Variants in PRPF18 observed in about 807,000 individuals in gnomAD.
PRPF18 encodes pre-mRNA processing factor 18.
In PRPF18, 38 loss-of-function variants were observed where a neutral mutation model predicts 46.5. The ratio of observed to expected loss-of-function variants is 0.82; its 90% CI spans 0.63 to 1.07. The LOEUF (loss-of-function observed/expected upper bound fraction) is 1.07, where lower values mean the gene tolerates loss of function less well. PRPF18 is among the 50% of genes least tolerant of loss of function. The pLI is 0.00. For missense variants in PRPF18, 263 were observed against 410.0 expected, an observed-to-expected ratio of 0.64 and a Z score of 3.10; for synonymous variants, 152 against 146.7, an observed-to-expected ratio of 1.04 and a Z score of -0.26.
the PRPF18 span, chr10:13,637,917 G>C: frequency 5.9e-5 from 9 of 152,318 alleles, no homozygotes; most frequent in African/African-American, 2.2e-4. Flanking sequence ...TGATGTGCAA[G>C]TTCATGTGCC....
At chr10:13,603,964 T>G (rs1037791101) in intron 3 of PRPF18, among the ~76,000 whole-genome samples, 2 of 152,228 alleles carry the variant, frequency 1.3e-5, no homozygotes, top group African/African-American at 4.8e-5. Flanking sequence ...AATCAGAATA[T>G]TCTCTGTAGT....
intron 1 of PRPF18, among the ~76,000 whole-genome samples, chr10:13,590,452 A>AAATAT (rs1554806370): frequency 3.6e-5 from 5 of 140,506 alleles, no homozygotes; most frequent in Non-Finnish European, 6.1e-5. Flanking sequence ...AAAAAAAAAA[A>AAATAT]ATATATATAT....
At chr10:13,597,039 A>G (rs1400186312) in intron 1 of PRPF18, among the ~76,000 whole-genome samples, 2 of 152,222 alleles carry the variant, frequency 1.3e-5, no homozygotes, top group African/African-American at 4.8e-5. Context: ...GGGATATCAA[A>G]TGTAGGCTAT....
At chr10:13,615,951 G>T (rs192020044) in intron 8 of PRPF18, among the ~76,000 whole-genome samples, 1 of 152,322 alleles carries the variant, frequency 6.6e-6, no homozygotes, top group East Asian at 1.9e-4. Context: ...ACAGTGCTGT[G>T]TAGGGAGTGG....
intron 3 of PRPF18, among the ~76,000 whole-genome samples, chr10:13,605,402 T>C (rs897134355): frequency 1.1e-4 from 16 of 151,824 alleles, no homozygotes; most frequent in African/African-American, 3.9e-4. Context: ...GCCAACATGG[T>C]GAAACCCCAT....
chr10:13,632,676 C>T (rs532259013), downstream of PRPF18: 6 of 152,212 alleles, frequency 3.9e-5, no homozygotes, highest in Admixed American at 2.6e-4. Flanking sequence ...TGTGACCATT[C>T]GAGGGAAGCA....
intron 8 of PRPF18, 48 bp downstream of exon 8, chr10:13,614,134 T>G: frequency 7.4e-7 from 1 of 1,351,856 alleles, no homozygotes; most frequent in Middle Eastern, 2.1e-4. Flanking sequence ...ATATCTAGGT[T>G]ATGTACGTAA....
At position 13,599,521 on chromosome 10, in the gene PRPF18, T is replaced by C. The variant is rs148282081; in HGVS notation, c.145-723T>C. 2.3e-3 allele frequency among the ~76,000 whole-genome samples: 354 copies of C among 152,326 alleles called. 1 individual carries two copies. Among genetic ancestry groups the C allele is most frequent in the African/African-American group, 8.3e-3 (344 of 41,572 alleles). ...ACAAAGGGGCTTGTAAATTGCTGAATTCAGTTTTCTTAAACTGAGACTTGA... is the reference window on the plus strand; with the variant it reads ...ACAAAGGGGCTTGTAAATTGCTGAACTCAGTTTTCTTAAACTGAGACTTGA... On this transcript the variant is annotated intron_variant, in intron 2 of 9. Coordinates refer to ENST00000378572, the MANE Select transcript of PRPF18 (RefSeq NM_003675.4).
At chr10:13,611,769 G>T (rs1182582275) in intron 6 of PRPF18, 86 bp downstream of exon 6, 1 of 1,197,956 alleles carries the variant, frequency 8.3e-7, no homozygotes, top group African/African-American at 1.5e-5. Flanking sequence ...GTTAAAGGCT[G>T]GAACGGGAAA....
chr10:13,645,826 A>G, the PRPF18 span: 2 of 152,672 alleles, frequency 1.3e-5, no homozygotes, highest in Admixed American at 6.5e-5. Context: ...CGACAGTTAA[A>G]CACTGAATGG....
the PRPF18 span, chr10:13,647,731 GCT>G: frequency 3.7e-5 from 4 of 106,670 alleles, no homozygotes; most frequent in African/African-American, 1.5e-4. Context: ...AAAATAAAAG[GCT>G]TTTTTTTTTT....
At chr10:13,635,545 C>T (rs752906858), downstream of PRPF18, among the ~76,000 whole-genome samples, 2 of 152,176 alleles carry the variant, frequency 1.3e-5, no homozygotes, top group Non-Finnish European at 2.9e-5. Context: ...TCTCTACAAC[C>T]TCACCAGCAT....
At chr10:13,636,799 C>T in the PRPF18 span, among the ~76,000 whole-genome samples, 1 of 152,154 alleles carries the variant, frequency 6.6e-6, no homozygotes, top group African/African-American at 2.4e-5. Context: ...TAAAAAATAT[C>T]GGCGTGTAAT....
At chr10:13,600,485 CT>C in intron 3 of PRPF18, 137 bp downstream of exon 3, 1 of 589,914 alleles carries the variant, frequency 1.7e-6, no homozygotes, top group Non-Finnish European at 2.7e-6. Context: ...AGCTAGTTTT[CT>C]TCATGAAGTT....
At position 13,611,812 on chromosome 10, in the gene PRPF18, G is replaced by C; in HGVS notation, c.579+129G>C. On this transcript the variant is annotated intron_variant, in intron 6 of 9. Coordinates refer to ENST00000378572, the MANE Select transcript of PRPF18 (RefSeq NM_003675.4). ...TACACATTTCTCACACATACATGAT[G>C]TTTATGATATCACTATGCACTTGAT... 4.4e-6 allele frequency: 3 copies of C among 682,688 alleles called. No homozygotes were observed. The South Asian group carries it at 5.7e-5, about 13-fold the overall frequency. The allele number at this position is 682,688 out of a possible 1,614,324, so 42.3% of individuals were successfully genotyped here.
In PRPF18 at chr10:13,614,047, G is replaced by A. The variant is rs775349638; in HGVS notation, c.753G>A (p.Thr251=). The A allele has an allele frequency of 2.5e-5, 39 of 1,587,624 alleles. No homozygotes were observed. The highest frequency in any genetic ancestry group is 1.0e-4 in the South Asian group (9 of 85,924). The change falls in exon 8 of 10, where the codon ACG becomes ACA. Residue 251 remains threonine (T), a synonymous_variant. Coordinates refer to ENST00000378572, the MANE Select transcript of PRPF18 (RefSeq NM_003675.4). ...CTGCTGATATTAAAGAATCAATAACGGATATTATTAAATTCATGTTGCAGA... is the reference window on the plus strand; with the variant it reads ...CTGCTGATATTAAAGAATCAATAACAGATATTATTAAATTCATGTTGCAGA... ...NLPADIKESI[T]DIIKFMLQRE...
chr10:13,650,581 C>T, the PRPF18 span, among the ~76,000 whole-genome samples: 1 of 152,190 alleles, frequency 6.6e-6, no homozygotes, highest in Non-Finnish European at 1.5e-5. Flanking sequence ...AAAGGCCATT[C>T]TTCCTACTTC....
chr10:13,603,864 G>A (rs2080149539), intron 3 of PRPF18, among the ~76,000 whole-genome samples: 1 of 152,200 alleles, frequency 6.6e-6, no homozygotes, highest in Admixed American at 6.5e-5. Context: ...ATATGAAGAT[G>A]AGGTGAAGGA....
rs944526101 is a variant in PRPF18, at chr10:13,627,863, C to T, written c.949-2397C>T. On this transcript the variant is annotated intron_variant, in intron 9 of 9. Transcript: ENST00000378572. ...CAAGGCAAACCATCAGTTTGCCTTC[C>T]GCTTGCGCATAACAATTCTTGCCAT... Among the ~76,000 whole-genome samples the T allele has an allele frequency of 9.9e-5, 15 of 152,156 alleles. 1 individual carries two copies. The highest frequency in any genetic ancestry group is 5.2e-4 in the Admixed American group (8 of 15,276).
Sources: allele counts gnomAD v4.1 joint callset (sites outside exome capture counted in the v4.1 genomes callset), GRCh38; gene constraint gnomAD v4.1.1; transcripts MANE v1.5; gene names NCBI Gene and HGNC (gene_info 2026-07-23, HGNC 2026-07-21).